Variants in NAALADL2 observed in about 807,000 individuals in gnomAD.
NAALADL2 encodes the protein inactive N-acetylated-alpha-linked acidic dipeptidase-like protein 2.
NAALADL2 carries 76 observed loss-of-function variants against 87.2 expected under a neutral mutation model. That is an observed-to-expected ratio of 0.87 (90% CI 0.72 to 1.05). The LOEUF (loss-of-function observed/expected upper bound fraction) is 1.05, where lower values mean the gene tolerates loss of function less well. NAALADL2 is among the 50% of genes least tolerant of loss of function. NAALADL2 has a pLI of 0.00. For missense variants in NAALADL2, 1,089 were observed against 945.8 expected, an observed-to-expected ratio of 1.15 and a Z score of -1.99; for synonymous variants, 354 against 331.0, an observed-to-expected ratio of 1.07 and a Z score of -0.75.
chr3:174,751,786 GC>G (rs902497443), intron 3 of NAALADL2, among the ~76,000 whole-genome samples: 17 of 151,832 alleles, frequency 1.1e-4, no homozygotes, highest in African/African-American at 4.1e-4. Context: ...CATTGTGTTT[GC>G]TAATAATATT....
At chr3:174,994,034 A>T (rs1579917933) in intron 1 of NAALADL2, among the ~76,000 whole-genome samples, 2 of 152,246 alleles carry the variant, frequency 1.3e-5, no homozygotes, top group East Asian at 3.9e-4. Flanking sequence ...CTGCACTATG[A>T]CCTCATCTTA....
chr3:174,863,352 G>T (rs944737029), intron 1 of NAALADL2, among the ~76,000 whole-genome samples: 5 of 152,042 alleles, frequency 3.3e-5, no homozygotes, highest in African/African-American at 1.2e-4. Flanking sequence ...TTATGGTCTT[G>T]AAAGCATTGT....
chr3:175,491,763 T>C (rs2149345903), intron 9 of NAALADL2, among the ~76,000 whole-genome samples: 1 of 152,286 alleles, frequency 6.6e-6, no homozygotes, highest in Admixed American at 6.5e-5. Flanking sequence ...ATAGAGAGCT[T>C]GCAGCTGTCA....
chr3:175,578,478 T>C (rs1210572108), intron 10 of NAALADL2, among the ~76,000 whole-genome samples: 3 of 152,126 alleles, frequency 2.0e-5, no homozygotes, highest in Non-Finnish European at 4.4e-5. Flanking sequence ...CTACCACTTA[T>C]TGCTTATTTA....
intron 11 of NAALADL2, among the ~76,000 whole-genome samples, chr3:175,720,379 G>A (rs1341346673): frequency 6.6e-6 from 1 of 151,896 alleles, no homozygotes; most frequent in East Asian, 1.9e-4. Flanking sequence ...GATTGAAAAA[G>A]GAATGTATAT....
At chr3:175,419,665 T>G (rs1715315412) in intron 5 of NAALADL2, among the ~76,000 whole-genome samples, 1 of 152,022 alleles carries the variant, frequency 6.6e-6, no homozygotes, top group African/African-American at 2.4e-5. Context: ...CCTCTGTGCC[T>G]TCTCTGGGTG....
At chr3:175,047,515 ATAATAC>A (rs1359136868) in intron 1 of NAALADL2, among the ~76,000 whole-genome samples, 1 of 152,182 alleles carries the variant, frequency 6.6e-6, no homozygotes, top group Non-Finnish European at 1.5e-5. Flanking sequence ...TCACTTTCCA[ATAATAC>A]TATGTATTTT....
intron 11 of NAALADL2, among the ~76,000 whole-genome samples, chr3:175,652,604 G>A (rs941457200): frequency 2.6e-4 from 39 of 149,806 alleles, no homozygotes; most frequent in African/African-American, 9.1e-4. Context: ...TCAGCCTCCC[G>A]AGTAGCTGGG....
At chr3:174,893,120 C>T (rs1469410694) in intron 1 of NAALADL2, among the ~76,000 whole-genome samples, 1 of 152,070 alleles carries the variant, frequency 6.6e-6, no homozygotes, top group Non-Finnish European at 1.5e-5. Context: ...TCAGTGGAAA[C>T]TTTACAGGCC....
chr3:175,233,996 G>A lies in NAALADL2; in HGVS notation c.611G>A (p.Trp204Ter). 1 of 1,610,464 alleles carries A rather than the reference G, an allele frequency of 6.2e-7. No homozygotes were observed. Among genetic ancestry groups the A allele is most frequent in the Admixed American group, 1.7e-5 (1 of 59,994 alleles). ...MEISKKIKTQ[W>*]TSLGLEDVQF... ...ATTTCAAAGAAGATTAAGACTCAGT[G>A]GACCTCTTTGGGCCTAGAAGATGTA... is the stretch of plus-strand genomic sequence containing the variant. Residue 204 changes from tryptophan (W) to a stop codon, truncating the protein, a stop_gained, in exon 3 of 14, where the codon TGG (tryptophan) becomes TAG (stop). Transcript: ENST00000454872. LOFTEE classifies it high-confidence loss of function.
chr3:174,932,902 G>A (rs1257544585), intron 1 of NAALADL2, among the ~76,000 whole-genome samples: 1 of 152,196 alleles, frequency 6.6e-6, no homozygotes, highest in Non-Finnish European at 1.5e-5. Context: ...CGGGTCACCT[G>A]AGGTCAGAAG....
chr3:175,471,158 T>G (rs1352784247), intron 8 of NAALADL2, among the ~76,000 whole-genome samples: 5 of 152,112 alleles, frequency 3.3e-5, no homozygotes, highest in Non-Finnish European at 4.4e-5. Context: ...AATCTTTGTG[T>G]ACACTATTAC....
At chr3:174,940,244 CT>C (rs1265642086) in intron 1 of NAALADL2, among the ~76,000 whole-genome samples, 1 of 152,022 alleles carries the variant, frequency 6.6e-6, no homozygotes, top group Non-Finnish European at 1.5e-5. Context: ...TTTCAAAAGC[CT>C]TTTATGCATC....
At chr3:175,196,567 C>A (rs1739034277) in intron 2 of NAALADL2, among the ~76,000 whole-genome samples, 1 of 151,888 alleles carries the variant, frequency 6.6e-6, no homozygotes, top group Non-Finnish European at 1.5e-5. Context: ...TTAGACTATC[C>A]ACCTTCCTTT....
At chr3:174,841,038 TA>T (rs3830593) in intron 3 of NAALADL2, among the ~76,000 whole-genome samples, 5 of 146,816 alleles carry the variant, frequency 3.4e-5, no homozygotes, top group African/African-American at 7.5e-5. Context: ...TTGACTTTAT[TA>T]AAAAAAAAGA....
chr3:175,309,343 G>A (rs1310295435), intron 4 of NAALADL2, among the ~76,000 whole-genome samples: 1 of 151,848 alleles, frequency 6.6e-6, no homozygotes, highest in Non-Finnish European at 1.5e-5. Flanking sequence ...CCACCACCAT[G>A]CCCAGCTAAT....
chr3:175,519,799 C>A (rs1459060976), intron 9 of NAALADL2, among the ~76,000 whole-genome samples: 3 of 152,088 alleles, frequency 2.0e-5, no homozygotes, highest in African/African-American at 4.8e-5. Flanking sequence ...AAATACAATG[C>A]TTCTGGTTAC....
chr3:175,735,573 A>C (rs144181269), intron 11 of NAALADL2, among the ~76,000 whole-genome samples: 1 of 152,320 alleles, frequency 6.6e-6, no homozygotes, highest in Non-Finnish European at 1.5e-5. Flanking sequence ...GCAGAATACA[A>C]GGAGGAGCAA....
intron 1 of NAALADL2, among the ~76,000 whole-genome samples, chr3:175,049,658 A>T (rs1370639268): frequency 2.6e-5 from 4 of 152,082 alleles, no homozygotes; most frequent in African/African-American, 9.7e-5. Context: ...TTTTTTCCTG[A>T]TGAGGTTTTA....
Sources: gnomAD v4.1 joint callset for allele counts (sites outside exome capture counted in the v4.1 genomes callset) on GRCh38, gnomAD v4.1.1 for gene constraint, MANE v1.5 for transcripts, NCBI Gene and HGNC (gene_info 2026-07-23, HGNC 2026-07-21) for gene names.